MBNL2: variants seen among roughly 807,000 people sequenced by gnomAD.
MBNL2 encodes muscleblind-like protein 2.
Under a neutral mutation model 41.9 loss-of-function variants are expected in MBNL2, and 17 were observed. The ratio of observed to expected loss-of-function variants is 0.41; its 90% CI spans 0.28 to 0.61. The LOEUF (loss-of-function observed/expected upper bound fraction) is 0.61. Among genes scored for constraint, MBNL2 ranks in the 20% least tolerant of loss-of-function variants. MBNL2 has a pLI of 0.35. For missense variants in MBNL2, 336 were observed against 505.6 expected, an observed-to-expected ratio of 0.66 and a Z score of 3.22; for synonymous variants, 195 against 182.9, an observed-to-expected ratio of 1.07 and a Z score of -0.53.
At chr13:97,375,723 A>G (rs1023829494) in intron 8 of MBNL2, among the ~76,000 whole-genome samples, 4 of 152,244 alleles carry the variant, frequency 2.6e-5, no homozygotes, top group Non-Finnish European at 5.9e-5. Flanking sequence ...CTTTGAAGTC[A>G]ATGCTTTTCC....
upstream of MBNL2, among the ~76,000 whole-genome samples, chr13:97,220,334 T>C (rs1190215766): frequency 6.6e-6 from 1 of 152,196 alleles, no homozygotes; most frequent in Non-Finnish European, 1.5e-5. Flanking sequence ...TCAAAGCGTC[T>C]GGTACAATAA....
At chr13:97,212,682 T>C in the MBNL2 span, among the ~76,000 whole-genome samples, 1 of 152,166 alleles carries the variant, frequency 6.6e-6, no homozygotes, top group African/African-American at 2.4e-5. Flanking sequence ...CCTGAGATAA[T>C]AATAGTGTCA....
At chr13:97,343,307 T>C in intron 4 of MBNL2, 91 bp downstream of exon 4, 3 of 959,954 alleles carry the variant, frequency 3.1e-6, no homozygotes, top group Non-Finnish European at 4.7e-6. Context: ...AATTCAGTCT[T>C]GCAAAACAGC....
chr13:97,393,528 A>G lies in MBNL2; in HGVS notation c.*2079A>G, dbSNP rs996012109. On this transcript the variant is annotated 3_prime_UTR_variant, in exon 9 of 9. Coordinates refer to ENST00000679496, the MANE Select transcript of MBNL2 (RefSeq NM_001382683.1). ...ATAGAAGACTGTATTTTTTACTATG[A>G]TATCCATTTTCCAGAATTGTGATTA... The G allele has an allele frequency of 6.6e-6, 1 of 152,440 alleles. No individual in the cohort carries two copies. The highest frequency in any genetic ancestry group is 1.5e-5 in the Non-Finnish European group (1 of 67,930). 9.4% of individuals were successfully genotyped at this position (152,440 alleles called of 1,614,324 possible). A position where few individuals can be genotyped will look rare whatever the true frequency, so the allele number is the denominator to read the frequency against.
At chr13:97,215,273 A>G in the MBNL2 span, among the ~76,000 whole-genome samples, 1 of 152,218 alleles carries the variant, frequency 6.6e-6, no homozygotes, top group African/African-American at 2.4e-5. Context: ...CCTTAGTGCC[A>G]TGGTTCCCAA....
upstream of MBNL2, among the ~76,000 whole-genome samples, chr13:97,218,217 TG>T (rs1286163082): frequency 6.6e-6 from 1 of 151,996 alleles, no homozygotes; most frequent in East Asian, 1.9e-4. Flanking sequence ...GAGACCATCC[TG>T]GATAGCACGG....
chr13:97,143,061 G>A, the MBNL2 span, among the ~76,000 whole-genome samples: 2 of 152,144 alleles, frequency 1.3e-5, no homozygotes, highest in African/African-American at 4.8e-5. Context: ...GTAATATGGT[G>A]TTGGTTTATA....
At chr13:97,384,285 TTTAA>T (rs1377250471) in intron 8 of MBNL2, among the ~76,000 whole-genome samples, 2 of 152,200 alleles carry the variant, frequency 1.3e-5, no homozygotes, top group African/African-American at 4.8e-5. Flanking sequence ...TTATAATTGC[TTTAA>T]TTACTTTTTT....
chr13:97,357,576 A>G lies in MBNL2; in HGVS notation c.953A>G (p.His318Arg). The change falls in exon 7 of 9, where the codon CAC (histidine) becomes CGC (arginine). Residue 318 changes from histidine (H) to arginine (R), a missense_variant. By Grantham distance (29) the His-to-Arg change is conservative (BLOSUM62 0). Transcript: ENST00000679496. ...TSAVFNPSVLHYQQALTSAQL... is the reference protein window; with the variant it reads ...TSAVFNPSVLRYQQALTSAQL... ...GCGGTCTTTAACCCCAGCGTCTTGC[A>G]CTACCAGCAGGCTCTCACCAGCGCA... The G allele has an allele frequency of 6.2e-7, 1 of 1,614,070 alleles. No individual in the cohort carries two copies. The highest frequency in any genetic ancestry group is 8.5e-7 in the Non-Finnish European group (1 of 1,179,964).
the MBNL2 span, among the ~76,000 whole-genome samples, chr13:97,161,332 T>A: frequency 1.3e-5 from 2 of 152,178 alleles, no homozygotes; most frequent in East Asian, 3.8e-4. Flanking sequence ...ATTAGAATCA[T>A]CATCTCAAAT....
chr13:97,338,606 GATAGA>G (rs1475319160), intron 3 of MBNL2, among the ~76,000 whole-genome samples: 3 of 152,090 alleles, frequency 2.0e-5, no homozygotes, highest in Admixed American at 6.5e-5. Flanking sequence ...CCCAATTCCT[GATAGA>G]ATAGGACAGG....
In MBNL2 at chr13:97,391,663, C is replaced by A; in HGVS notation, c.*214C>A. 2.3e-6 allele frequency: 1 copy of A among 441,522 alleles called. No homozygotes were observed. Among genetic ancestry groups the A allele is most frequent in the South Asian group, 4.0e-5 (1 of 24,824 alleles). The allele number at this position is 441,522 out of a possible 1,614,324, so 27.4% of individuals were successfully genotyped here. ...TGTCCTAGGAATATTGTCTTATCTC[C>A]ATAACTATAGCTGATGCAGAAAGTC... On this transcript the variant is annotated 3_prime_UTR_variant, in exon 9 of 9. Coordinates refer to ENST00000679496, the MANE Select transcript of MBNL2 (RefSeq NM_001382683.1).
the MBNL2 span, among the ~76,000 whole-genome samples, chr13:97,205,886 G>T: frequency 3.3e-5 from 5 of 152,148 alleles, no homozygotes; most frequent in Non-Finnish European, 7.3e-5. Context: ...TAAGACAAAA[G>T]ACAACACAAA....
At chr13:97,244,399 TAGATCA>T (rs559017253) in intron 1 of MBNL2, among the ~76,000 whole-genome samples, 39 of 152,314 alleles carry the variant, frequency 2.6e-4, no homozygotes, top group African/African-American at 8.9e-4. Context: ...CACTGCTGAA[TAGATCA>T]AGATCAGAAA....
chr13:97,214,414 T>C, the MBNL2 span, among the ~76,000 whole-genome samples: 1 of 152,246 alleles, frequency 6.6e-6, no homozygotes, highest in African/African-American at 2.4e-5. Flanking sequence ...AACAAATATT[T>C]ATTGTCAGTC....
chr13:97,209,244 G>T, the MBNL2 span, among the ~76,000 whole-genome samples: 1 of 152,108 alleles, frequency 6.6e-6, no homozygotes, highest in Non-Finnish European at 1.5e-5. Flanking sequence ...ACCAAAATTT[G>T]CCAGCTTGCC....
At chr13:97,389,159 A>G (rs2153171911) in intron 8 of MBNL2, among the ~76,000 whole-genome samples, 1 of 152,268 alleles carries the variant, frequency 6.6e-6, no homozygotes, top group Admixed American at 6.5e-5. Flanking sequence ...TGCTTTAGTT[A>G]GCTCCAAGAC....
At chr13:97,152,215 AATAG>A in the MBNL2 span, among the ~76,000 whole-genome samples, 2 of 152,186 alleles carry the variant, frequency 1.3e-5, no homozygotes, top group Admixed American at 6.6e-5. Flanking sequence ...GGTAAAGCTT[AATAG>A]ATGAGTTAGA....
At chr13:97,158,641 A>C in the MBNL2 span, among the ~76,000 whole-genome samples, 1 of 151,390 alleles carries the variant, frequency 6.6e-6, no homozygotes, top group East Asian at 1.9e-4. Context: ...TTCTGCCTTC[A>C]TTTCGTTATG....
Sources: gnomAD v4.1 joint callset for allele counts (sites outside exome capture counted in the v4.1 genomes callset) on GRCh38, gnomAD v4.1.1 for gene constraint, MANE v1.5 for transcripts, NCBI Gene and HGNC (gene_info 2026-07-23, HGNC 2026-07-21) for gene names.